Variants in POLR1A observed in about 807,000 individuals in gnomAD.
POLR1A encodes DNA-directed RNA polymerase I subunit RPA1.
POLR1A carries 84 observed loss-of-function variants against 205.3 expected under a neutral mutation model. The observed-to-expected ratio is 0.41, with a 90% CI of 0.34 to 0.49. The LOEUF (loss-of-function observed/expected upper bound fraction) is 0.49. POLR1A is among the 20% of genes least tolerant of loss of function. The pLI is 0.22. For missense variants in POLR1A, 1,645 were observed against 2,204.5 expected (o/e 0.75, Z 5.08); for synonymous variants, 799 against 863.7 (o/e 0.93, Z 1.31).
rs774526761 is a variant in POLR1A, at chr2:86,053,036, GT to G, written c.2209-37del. ...CAAGGCCACCAATGCCGGGCTGCGGGTGATGCCTCCTGTGGGAGTCACCCAC... is the reference window on the plus strand; with the variant it reads ...CAAGGCCACCAATGCCGGGCTGCGGGGATGCCTCCTGTGGGAGTCACCCAC... On this transcript the variant is annotated intron_variant, in intron 15 of 33. Coordinates refer to ENST00000263857, the MANE Select transcript of POLR1A (RefSeq NM_015425.6). 25 of 1,500,940 alleles carry G rather than the reference GT, an allele frequency of 1.7e-5. No individual in the cohort carries two copies. The East Asian group carries it at 5.7e-4, about 34-fold the overall frequency. The allele number at this position is 1,500,940 out of a possible 1,614,324, so 93.0% of individuals were successfully genotyped here.
In POLR1A at chr2:86,047,247, C is replaced by T; in HGVS notation, c.2651G>A (p.Gly884Asp). 1 of 1,613,576 alleles carries T rather than the reference C, an allele frequency of 6.2e-7. No homozygotes were observed. The highest frequency in any genetic ancestry group is 1.1e-5 in the South Asian group (1 of 91,062). ...NEINKACMPF[G>D]LHRQFPENSL... ...GTTCTCTGGGAACTGTCTGTGTAGG[C>T]CAAAAGGCATGCATGCCTGCAGATT... Residue 884 changes from glycine (G) to aspartate (D), a missense_variant, in exon 19 of 34, where the codon GGC (glycine) becomes GAC (aspartate). Transcript: ENST00000263857.
Position 86,038,815 on chromosome 2 carries a change from C to T in POLR1A, c.3919G>A (p.Glu1307Lys). Residue 1307 changes from glutamate (E) to lysine (K), a missense_variant, in exon 27 of 34, where the codon GAA (glutamate) becomes AAA (lysine). By Grantham distance (56) the Glu-to-Lys change is moderately conservative. This residue lies in a region of POLR1A where 394 missense variants were observed against 468.5 expected (regional missense o/e 0.84). Coordinates refer to ENST00000263857, the MANE Select transcript of POLR1A (RefSeq NM_015425.6). Reference sequence around the variant, plus strand: ...TACACCTGGAATTTGTTCTGTTTTTCTTCCATACAGAAGGACTCCTGGACG... The same window carrying T: ...TACACCTGGAATTTGTTCTGTTTTTTTTCCATACAGAAGGACTCCTGGACG... ...IDVQESFCME[E>K]KQNKFQVYQL... 1 of 1,614,016 alleles carries T rather than the reference C, an allele frequency of 6.2e-7. No individual in the cohort carries two copies. Among genetic ancestry groups the T allele is most frequent in the South Asian group, 1.1e-5 (1 of 91,066 alleles).
In POLR1A at chr2:86,040,670, C is replaced by G. The variant is rs1672584419; in HGVS notation, c.3573-111G>C. 4.7e-6 allele frequency: 4 copies of G among 842,198 alleles called. No homozygotes were observed. In the Admixed American group the frequency reaches 9.0e-5, roughly 19 times the overall value. The allele number at this position is 842,198 out of a possible 1,614,324, so 52.2% of individuals were successfully genotyped here. A position where few individuals can be genotyped will look rare whatever the true frequency, so the allele number is the denominator to read the frequency against. ...AGAAAACTGAAACCTCTACCTCTTT[C>G]TGGACTCGTTTTTCCTAGGCAAAAG... On this transcript the variant is annotated intron_variant, in intron 24 of 33. Coordinates refer to ENST00000263857, the MANE Select transcript of POLR1A (RefSeq NM_015425.6).
chr2:86,103,383 G>GT (rs977097505), intron 1 of POLR1A, among the ~76,000 whole-genome samples: 1 of 152,110 alleles, frequency 6.6e-6, no homozygotes, highest in African/African-American at 2.4e-5. Flanking sequence ...GATCAGAGAG[G>GT]TAACAGGAGA....
In POLR1A at chr2:86,088,619, G is replaced by A. The variant is rs763194768; in HGVS notation, c.677C>T (p.Thr226Met). The A allele has an allele frequency of 6.2e-7, 1 of 1,614,070 alleles. No homozygotes were observed. The highest frequency in any genetic ancestry group is 1.1e-5 in the South Asian group (1 of 91,086). ...TGTCCTGTGCACCATGGCTGGAAAC[G>A]TGATAGTCAACTTGCTGTTGTGTTC... ...RKEHNSKLTI[T>M]FPAMVHRTAG... The change falls in exon 6 of 34, where the codon ACG becomes ATG. Residue 226 changes from threonine to methionine, a missense_variant. Thr to Met is a moderately conservative substitution (Grantham distance 81, BLOSUM62 -1). This residue lies in a region of POLR1A where 330 missense variants were observed against 375.6 expected (regional missense o/e 0.88). Coordinates refer to ENST00000263857, the MANE Select transcript of POLR1A (RefSeq NM_015425.6).
intron 24 of POLR1A, among the ~76,000 whole-genome samples, chr2:86,040,978 A>G (rs1033571467): frequency 3.3e-5 from 5 of 152,326 alleles, no homozygotes; most frequent in African/African-American, 1.2e-4. Flanking sequence ...AAAGAGGTTC[A>G]CTAGGCCATT....
Position 86,105,823 on chromosome 2 carries a change from C to A in POLR1A, c.-47G>T. 1 of 1,456,234 alleles carries A rather than the reference C, an allele frequency of 6.9e-7. No individual in the cohort carries two copies. Among genetic ancestry groups the A allele is most frequent in the South Asian group, 1.1e-5 (1 of 87,734 alleles). 90.2% of individuals were successfully genotyped at this position (1,456,234 alleles called of 1,614,324 possible). A position where few individuals can be genotyped will look rare whatever the true frequency, so the allele number is the denominator to read the frequency against. On this transcript the variant is annotated 5_prime_UTR_variant, in exon 1 of 34. Coordinates refer to ENST00000263857, the MANE Select transcript of POLR1A (RefSeq NM_015425.6). Reference sequence around the variant, plus strand: ...CCGACACCCCAAGAGACGTTCCACTCACCACCTGACTATTCTTAATTCAAC... The same window carrying A: ...CCGACACCCCAAGAGACGTTCCACTAACCACCTGACTATTCTTAATTCAAC...
intron 7 of POLR1A, 116 bp downstream of exon 7, chr2:86,082,966 T>C: frequency 1.3e-6 from 1 of 768,542 alleles, no homozygotes; most frequent in South Asian, 1.6e-5. Flanking sequence ...CTGGATCAGT[T>C]CCAGGAGGAA....
At chr2:86,087,539 T>TGTGCTTTTTC (rs1362406787) in intron 6 of POLR1A, among the ~76,000 whole-genome samples, 11 of 152,366 alleles carry the variant, frequency 7.2e-5, no homozygotes, top group African/African-American at 2.6e-4. Flanking sequence ...AATTGCAGGT[T>TGTGCTTTTTC]GTGCTTTTTC....
Position 86,047,241 on chromosome 2 carries a change from T to C in POLR1A, c.2657A>G (p.His886Arg), listed in dbSNP as rs1306872516. The C allele has an allele frequency of 5.6e-6, 9 of 1,613,982 alleles. No individual in the cohort carries two copies. The Middle Eastern group carries it at 4.9e-4, about 89-fold the overall frequency. Residue 886 changes from histidine to arginine, a missense_variant, in exon 19 of 34, where the codon CAC (histidine) becomes CGC (arginine). Coordinates refer to ENST00000263857, the MANE Select transcript of POLR1A (RefSeq NM_015425.6). ...CAGGCTGTTCTCTGGGAACTGTCTG[T>C]GTAGGCCAAAAGGCATGCATGCCTG... ...INKACMPFGL[H>R]RQFPENSLQM...
At chr2:86,080,017 A>G (rs1673370356) in intron 9 of POLR1A, among the ~76,000 whole-genome samples, 1 of 152,228 alleles carries the variant, frequency 6.6e-6, no homozygotes, top group Non-Finnish European at 1.5e-5. Flanking sequence ...TCAGGAAACA[A>G]GCAAAACCAC....
In POLR1A at chr2:86,024,166, G is replaced by C. The variant is rs1690213565; in HGVS notation, c.*3257C>G. 2 of 172,656 alleles carry C rather than the reference G, an allele frequency of 1.2e-5. No homozygotes were observed. Among genetic ancestry groups the C allele is most frequent in the Admixed American group, 1.1e-4 (2 of 18,686 alleles). The allele number at this position is 172,656 out of a possible 1,614,324, so 10.7% of individuals were successfully genotyped here. Reference sequence around the variant, plus strand: ...AAAATACGGTATATACACATGAGGAGGTATCAGCAGCCTCAAGCAAGAAGG... The same window carrying C: ...AAAATACGGTATATACACATGAGGACGTATCAGCAGCCTCAAGCAAGAAGG... On this transcript the variant is annotated 3_prime_UTR_variant, in exon 34 of 34. Transcript: ENST00000263857.
chr2:86,069,076 A>C (rs148802750), intron 13 of POLR1A, among the ~76,000 whole-genome samples: 2 of 152,366 alleles, frequency 1.3e-5, no homozygotes, highest in East Asian at 1.9e-4. Flanking sequence ...AAATGTGGAC[A>C]TGAATAGCAC....
chr2:86,030,138 A>G, intron 31 of POLR1A, 58 bp downstream of exon 31: 1 of 1,440,018 alleles, frequency 6.9e-7, no homozygotes, highest in Middle Eastern at 1.8e-4. Context: ...CTGGGTCTTG[A>G]GACAACGTGG....
intron 12 of POLR1A, among the ~76,000 whole-genome samples, chr2:86,071,393 C>T (rs774286071): frequency 6.6e-6 from 1 of 152,060 alleles, no homozygotes; most frequent in Non-Finnish European, 1.5e-5. Flanking sequence ...TAGCCTCAAA[C>T]GATCTTCCCG....
chr2:86,098,836 A>G, intron 2 of POLR1A, 76 bp from the exon 3 acceptor site: 1 of 1,393,388 alleles, frequency 7.2e-7, no homozygotes, highest in Non-Finnish European at 1.0e-6. Flanking sequence ...GTATACTCAC[A>G]AGTTTCTTTA....
intron 18 of POLR1A, among the ~76,000 whole-genome samples, chr2:86,048,385 G>A (rs1385587608): frequency 6.6e-6 from 1 of 152,202 alleles, no homozygotes; most frequent in Non-Finnish European, 1.5e-5. Flanking sequence ...AAGCCTCTCT[G>A]CAGCCCTGTG....
intron 14 of POLR1A, among the ~76,000 whole-genome samples, chr2:86,063,131 T>C (rs1216433903): frequency 1.3e-5 from 2 of 151,342 alleles, no homozygotes; most frequent in Non-Finnish European, 2.9e-5. Context: ...AGGTTGGGAG[T>C]TCGAGCCCAG....
chr2:86,063,359 A>AG (rs1673032807), intron 14 of POLR1A, among the ~76,000 whole-genome samples: 21 of 149,506 alleles, frequency 1.4e-4, no homozygotes, highest in Admixed American at 1.2e-3. Context: ...AAAAAAAAAA[A>AG]AAAGAAAGAA....
Sources: allele counts gnomAD v4.1 joint callset (sites outside exome capture counted in the v4.1 genomes callset), GRCh38; gene constraint gnomAD v4.1.1; regional missense constraint gnomAD v4.1.1; transcripts MANE v1.5; gene names NCBI Gene and HGNC (gene_info 2026-07-23, HGNC 2026-07-21).